DCTN6: variants seen among roughly 807,000 people sequenced by gnomAD.
DCTN6 encodes the protein dynactin 6.
In DCTN6, 15 loss-of-function variants were observed where a neutral mutation model predicts 25.8. That is an observed-to-expected ratio of 0.58 (90% confidence interval 0.39 to 0.89). The LOEUF (loss-of-function observed/expected upper bound fraction) is 0.89. Among genes scored for constraint, DCTN6 ranks in the 40% least tolerant of loss-of-function variants. The pLI is 0.00. For synonymous variants in DCTN6, 64 were observed against 78.3 expected (o/e 0.82, Z 0.96); for missense variants, 198 against 237.6 (o/e 0.83, Z 1.09).
intron 2 of DCTN6, among the ~76,000 whole-genome samples, chr8:30,166,075 T>G (rs1004768473): frequency 2.0e-5 from 3 of 152,160 alleles, no homozygotes; most frequent in African/African-American, 7.2e-5. Context: ...TCCTCTGTGT[T>G]CTTTTTACTC....
chr8:30,177,376 A>G (rs1045810536), intron 4 of DCTN6, 162 bp downstream of exon 4: 12 of 564,248 alleles, frequency 2.1e-5, no homozygotes, highest in Non-Finnish European at 3.7e-5. Flanking sequence ...AAACATACTT[A>G]CATTCACAAT....
At chr8:30,157,913 A>T (rs1803547338) in intron 1 of DCTN6, among the ~76,000 whole-genome samples, 1 of 152,108 alleles carries the variant, frequency 6.6e-6, no homozygotes, top group Non-Finnish European at 1.5e-5. Context: ...TATAAATATT[A>T]TGTGCAGTAG....
At chr8:30,182,679 T>C (rs1334620545) in intron 6 of DCTN6, among the ~76,000 whole-genome samples, 2 of 151,408 alleles carry the variant, frequency 1.3e-5, no homozygotes, top group Admixed American at 6.6e-5. Context: ...TTAATAACCA[T>C]TGCTACCTGG....
chr8:30,175,318 AG>A, intron 3 of DCTN6, 128 bp downstream of exon 3: 1 of 721,872 alleles, frequency 1.4e-6, no homozygotes, highest in Non-Finnish European at 2.3e-6. Context: ...AGAAGCATTA[AG>A]GGTCTTTTTC....
chr8:30,177,225 C>A lies in DCTN6; in HGVS notation c.283+11C>A. ...TTGAAGTTGGCTGTTGTATCCTTTA[C>A]AATAATCTACCATAAATAATTCCTG... On this transcript the variant is annotated intron_variant, in intron 4 of 6. Coordinates refer to ENST00000221114, the MANE Select transcript of DCTN6 (RefSeq NM_006571.4). The A allele has an allele frequency of 1.2e-6, 2 of 1,601,206 alleles. No homozygotes were observed. The highest frequency in any genetic ancestry group is 1.7e-6 in the Non-Finnish European group (2 of 1,169,730).
intron 2 of DCTN6, among the ~76,000 whole-genome samples, chr8:30,170,419 T>C (rs1188697806): frequency 1.3e-5 from 2 of 152,078 alleles, no homozygotes; most frequent in Non-Finnish European, 2.9e-5. Context: ...CAGGTGGAGG[T>C]GGTGTCTAAA....
At chr8:30,179,722 C>T (rs1803888200) in intron 5 of DCTN6, among the ~76,000 whole-genome samples, 1 of 152,156 alleles carries the variant, frequency 6.6e-6, no homozygotes, top group Non-Finnish European at 1.5e-5. Context: ...AAGATTTCTA[C>T]TAAATACTAG....
chr8:30,172,627 A>T (rs982635895), intron 2 of DCTN6, among the ~76,000 whole-genome samples: 3 of 151,516 alleles, frequency 2.0e-5, no homozygotes, highest in African/African-American at 7.3e-5. Flanking sequence ...ATTTTTTTGT[A>T]TTTTTCGTAG....
In DCTN6 at chr8:30,183,377, G is replaced by T; in HGVS notation, c.*204G>T. 2.1e-5 allele frequency: 8 copies of T among 373,992 alleles called. No individual in the cohort carries two copies. Among genetic ancestry groups the T allele is most frequent in the South Asian group, 5.8e-5 (1 of 17,386 alleles). The allele number at this position is 373,992 out of a possible 1,614,324, so 23.2% of individuals were successfully genotyped here. On this transcript the variant is annotated 3_prime_UTR_variant, in exon 7 of 7. Coordinates refer to ENST00000221114, the MANE Select transcript of DCTN6 (RefSeq NM_006571.4). Reference sequence around the variant, plus strand: ...AATGTATTATTTTCCTATATCCTTGGTTCTTTTCTGATAATTTACAGATTT... The same window carrying T: ...AATGTATTATTTTCCTATATCCTTGTTTCTTTTCTGATAATTTACAGATTT...
chr8:30,174,697 A>G (rs554643650), intron 2 of DCTN6, among the ~76,000 whole-genome samples: 2 of 152,340 alleles, frequency 1.3e-5, no homozygotes, highest in South Asian at 4.1e-4. Flanking sequence ...GCTGAGGGAA[A>G]AGAAGGAATT....
At chr8:30,159,412 A>G (rs756773864) in intron 1 of DCTN6, among the ~76,000 whole-genome samples, 30 of 151,904 alleles carry the variant, frequency 2.0e-4, no homozygotes, top group Non-Finnish European at 3.5e-4. Flanking sequence ...AATAGTTTTC[A>G]TCTTACTTTG....
At chr8:30,156,564 G>A (rs1258511130) in intron 1 of DCTN6, among the ~76,000 whole-genome samples, 158 bp downstream of exon 1, 1 of 152,162 alleles carries the variant, frequency 6.6e-6, no homozygotes, top group Non-Finnish European at 1.5e-5. Flanking sequence ...GGGAGGGGGC[G>A]ACGGAGTGGG....
At chr8:30,158,188 G>A (rs956422208) in intron 1 of DCTN6, among the ~76,000 whole-genome samples, 1 of 152,196 alleles carries the variant, frequency 6.6e-6, no homozygotes, top group African/African-American at 2.4e-5. Context: ...GGGGGCATTT[G>A]TGAGTCTCTC....
intron 1 of DCTN6, among the ~76,000 whole-genome samples, chr8:30,157,906 A>G (rs559602463): frequency 3.8e-4 from 58 of 152,268 alleles, no homozygotes; most frequent in African/African-American, 1.3e-3. Context: ...GATGTACTAT[A>G]AATATTATGT....
At chr8:30,163,998 G>T (rs1244435440) in intron 1 of DCTN6, 113 bp from the exon 2 acceptor site, 1 of 945,578 alleles carries the variant, frequency 1.1e-6, no homozygotes, top group East Asian at 2.6e-5. Flanking sequence ...CACTGCGCCT[G>T]GCCTTTTTTT....
In DCTN6 at chr8:30,177,194, A is replaced by C. The variant is rs201393344; in HGVS notation, c.263A>C (p.Asn88Thr). The C allele has an allele frequency of 3.1e-6, 5 of 1,613,592 alleles. No individual in the cohort carries two copies. The highest frequency in any genetic ancestry group is 4.2e-6 in the Non-Finnish European group (5 of 1,179,778). Residue 88 changes from asparagine (N) to threonine (T), a missense_variant, in exon 4 of 7, where the codon AAT becomes ACT. Asn to Thr is a moderately conservative substitution (Grantham distance 65). Transcript: ENST00000221114. ...EPKPMIIGTNNVFEVGCYSQA... is the reference protein window; with the variant it reads ...EPKPMIIGTNTVFEVGCYSQA... Reference sequence around the variant, plus strand: ...AAACCTATGATCATTGGCACCAATAATGTGTTTGAAGTTGGCTGTTGTATC... The same window carrying C: ...AAACCTATGATCATTGGCACCAATACTGTGTTTGAAGTTGGCTGTTGTATC...
In DCTN6 at chr8:30,175,054, CAAT is replaced by C. The variant is rs780739727; in HGVS notation, c.89-27_89-25del. The C allele has an allele frequency of 1.9e-6, 3 of 1,599,702 alleles. No individual in the cohort carries two copies. In the Admixed American group the frequency reaches 5.0e-5, roughly 27 times the overall value. On this transcript the variant is annotated intron_variant, in intron 2 of 6. Transcript: ENST00000221114. Reference sequence around the variant, plus strand: ...CTTCTGTTGGAAGCATAGCCTCCACCAATAATTTCTTCTCAAACTATTTTTAAC... The same window carrying C: ...CTTCTGTTGGAAGCATAGCCTCCACCAATTTCTTCTCAAACTATTTTTAAC...
chr8:30,163,699 CT>C (rs201907906), intron 1 of DCTN6, among the ~76,000 whole-genome samples: 2,562 of 137,636 alleles, frequency 0.019, 41 homozygotes, highest in East Asian at 0.059. Flanking sequence ...ATTTTTCCAT[CT>C]TTTTTTTTTT....
chr8:30,172,209 T>G (rs1803772533), intron 2 of DCTN6, among the ~76,000 whole-genome samples: 1 of 152,186 alleles, frequency 6.6e-6, no homozygotes, highest in African/African-American at 2.4e-5. Flanking sequence ...AATGCCATTA[T>G]TAAGGGACCT....
Sources: allele counts gnomAD v4.1 joint callset (sites outside exome capture counted in the v4.1 genomes callset), GRCh38; gene constraint gnomAD v4.1.1; transcripts MANE v1.5; gene names NCBI Gene and HGNC (gene_info 2026-07-23, HGNC 2026-07-21).